Variants in EFHC2 observed in about 807,000 individuals in gnomAD.
The protein encoded by EFHC2 is EF-hand domain containing 2.
A neutral mutation model predicts 52.7 loss-of-function variants in EFHC2; 18 were observed. The observed-to-expected ratio is 0.34, with a 90% CI of 0.24 to 0.51. The LOEUF is 0.51. Ranked by LOEUF, EFHC2 falls within the 20% of genes least tolerant of loss-of-function variation. EFHC2 has a pLI of 0.97. For missense variants in EFHC2, 513 were observed against 562.5 expected (o/e 0.91, Z 0.89); for synonymous variants, 203 against 204.1 (o/e 0.99, Z 0.04).
At chrX:44,191,971 G>A (rs1411070428) in intron 11 of EFHC2, among the ~76,000 whole-genome samples, 3 of 110,218 alleles carry the variant, frequency 2.7e-5, no homozygotes, top group Non-Finnish European at 5.7e-5. Flanking sequence ...TTTATCTGTG[G>A]CATAACCCAT....
chrX:44,334,470 TTTTG>T (rs755935100), intron 1 of EFHC2, among the ~76,000 whole-genome samples: 3 of 111,882 alleles, frequency 2.7e-5, no homozygotes, highest in Non-Finnish European at 5.6e-5. Flanking sequence ...TTATTTGCCT[TTTTG>T]TTTGTTTGTT....
chrX:44,235,510 T>C, intron 8 of EFHC2, 63 bp from the exon 9 acceptor site: 1 of 1,041,424 alleles, frequency 9.6e-7, no homozygotes, highest in Non-Finnish European at 1.3e-6. Context: ...ATTATGTTTT[T>C]AAAAGTCTGC....
At chrX:44,157,307 T>C (rs987154114) in intron 14 of EFHC2, among the ~76,000 whole-genome samples, 23 of 111,368 alleles carry the variant, frequency 2.1e-4, no homozygotes, top group African/African-American at 6.9e-4. Flanking sequence ...GACCTAGCTT[T>C]TATCCTGGCT....
Position 44,176,311 on chromosome X carries a change from G to A in EFHC2, c.2023C>T (p.Leu675=), listed in dbSNP as rs374536009. Residue 675 remains leucine, a synonymous_variant, in exon 13 of 15, where the codon CTA becomes TTA. Transcript: ENST00000420999. Reference sequence around the variant, plus strand: ...ACTTACCTTGACAATAAGGATTCTAGAAGATCATCACTCAAAGGTAATCTG... The same window carrying A: ...ACTTACCTTGACAATAAGGATTCTAAAAGATCATCACTCAAAGGTAATCTG... ...SSRLPLSDDL[L]ESLLSRFEDS... is the part of the protein sequence containing the mutation. 3.3e-5 allele frequency: 40 copies of A among 1,198,819 alleles called. No homozygotes were observed. In the African/African-American group the frequency reaches 6.7e-4, roughly 20 times the overall value.
At position 44,167,308 on chromosome X, in the gene EFHC2, T is replaced by C. The variant is rs185206002; in HGVS notation, c.2043-3281A>G. Among the ~76,000 whole-genome samples the C allele has an allele frequency of 1.3e-3, 147 of 112,320 alleles. 1 individual carries two copies. In the Middle Eastern group the frequency reaches 0.023, roughly 18 times the overall value. ...CCTTAGAAAGTCCTCCTGAAGTTCC[T>C]CTTATCTGAGTCCCTATGCCTGAAT... On this transcript the variant is annotated intron_variant, in intron 13 of 14. Transcript: ENST00000420999.
intron 11 of EFHC2, among the ~76,000 whole-genome samples, chrX:44,225,460 C>A (rs769321850): frequency 2.7e-5 from 3 of 110,320 alleles, no homozygotes; most frequent in Non-Finnish European, 5.7e-5. Context: ...AGAAAAAGGG[C>A]AATGCTGGGG....
intron 1 of EFHC2, among the ~76,000 whole-genome samples, chrX:44,327,978 T>C (rs760511693): frequency 7.1e-5 from 8 of 112,086 alleles, no homozygotes; most frequent in Non-Finnish European, 1.5e-4. Context: ...TTTAAATCAA[T>C]AAGATCTGGA....
At chrX:44,211,701 CATACAAAAAAA>C (rs1002134319) in intron 11 of EFHC2, among the ~76,000 whole-genome samples, 1 of 107,114 alleles carries the variant, frequency 9.3e-6, no homozygotes, top group Non-Finnish European at 1.9e-5. Flanking sequence ...CTCTACTAAA[CATACAAAAAAA>C]ATACAAAAAA....
intron 3 of EFHC2, among the ~76,000 whole-genome samples, chrX:44,271,383 G>A (rs1318164773): frequency 8.9e-6 from 1 of 111,785 alleles, no homozygotes; most frequent in East Asian, 2.8e-4. Context: ...TTCTAGGAGA[G>A]TGAAGAACAG....
At chrX:44,259,039 C>A (rs2037516381) in intron 4 of EFHC2, among the ~76,000 whole-genome samples, 1 of 110,751 alleles carries the variant, frequency 9.0e-6, no homozygotes, top group Admixed American at 9.6e-5. Flanking sequence ...CCCAGCAATC[C>A]CATTACTGGG....
intron 11 of EFHC2, among the ~76,000 whole-genome samples, chrX:44,180,061 A>G (rs1424808988): frequency 8.9e-6 from 1 of 111,836 alleles, no homozygotes; most frequent in Non-Finnish European, 1.9e-5. Flanking sequence ...AAAAGCCAGA[A>G]TGTGAACCCG....
intron 2 of EFHC2, among the ~76,000 whole-genome samples, chrX:44,293,316 T>C (rs73483058): frequency 0.018 from 2,057 of 111,350 alleles, 44 homozygotes; most frequent in African/African-American, 0.063. Flanking sequence ...CCCCTGATTT[T>C]ATCAACTGAC....
At chrX:44,309,734 G>T in intron 2 of EFHC2, 1 of 978,230 alleles carries the variant, frequency 1.0e-6, no homozygotes, top group Non-Finnish European at 1.5e-6. Flanking sequence ...ATCGGTCCTC[G>T]TTTCTTGAGC....
chrX:44,267,704 A>C (rs1330285843), intron 3 of EFHC2, among the ~76,000 whole-genome samples: 1 of 110,755 alleles, frequency 9.0e-6, no homozygotes, highest in Admixed American at 9.7e-5. Flanking sequence ...AATCTTGACC[A>C]TTTGCCTCTT....
intron 11 of EFHC2, among the ~76,000 whole-genome samples, chrX:44,184,221 A>ACCCTTCCCATCTTTCCCTCTACAC (rs2036856368): frequency 9.0e-6 from 1 of 111,028 alleles, no homozygotes; most frequent in East Asian, 2.9e-4. Context: ...ATCCTCTACA[A>ACCCTTCCCATCTTTCCCTCTACAC]CCCTTCCCAT....
rs1452440203 is a variant in EFHC2, at chrX:44,272,789, G to A, written c.279C>T (p.Ser93=). 3.4e-6 allele frequency: 4 copies of A among 1,164,167 alleles called. No individual in the cohort carries two copies. The African/African-American group carries it at 7.2e-5, about 21-fold the overall frequency. ...AYLEEEVLDK[S]QTNYRIRYYK... ...AGTATCTTATTCTGTAGTTGGTTTG[G>A]CTTTTATCAAGTACTTCCTCTTCCA... Residue 93 remains serine, a synonymous_variant, in exon 3 of 15, where the codon AGC becomes AGT. Coordinates refer to ENST00000420999, the MANE Select transcript of EFHC2 (RefSeq NM_025184.4).
chrX:44,249,585 C>G (rs766600176), intron 5 of EFHC2, among the ~76,000 whole-genome samples: 1 of 111,056 alleles, frequency 9.0e-6, no homozygotes, highest in South Asian at 3.8e-4. Context: ...TTCTGCTGCA[C>G]CCAAATTACA....
At chrX:44,237,364 C>T (rs1247819649) in intron 8 of EFHC2, among the ~76,000 whole-genome samples, 1 of 111,910 alleles carries the variant, frequency 8.9e-6, no homozygotes, top group Admixed American at 9.5e-5. Context: ...CTCCAGCTGA[C>T]CACCTACTTA....
At chrX:44,322,769 T>A (rs1182869579) in intron 1 of EFHC2, among the ~76,000 whole-genome samples, 3 of 112,202 alleles carry the variant, frequency 2.7e-5, no homozygotes, top group Non-Finnish European at 3.8e-5. Context: ...TAGAGAGAAC[T>A]GAGTCAGAGC....
Sources: allele counts gnomAD v4.1 joint callset (sites outside exome capture counted in the v4.1 genomes callset), GRCh38; gene constraint gnomAD v4.1.1; transcripts MANE v1.5; gene names NCBI Gene and HGNC (gene_info 2026-07-23, HGNC 2026-07-21).